MAST2: variants seen among roughly 807,000 people sequenced by gnomAD.
MAST2 encodes microtubule-associated serine/threonine-protein kinase 2.
In MAST2, 70 loss-of-function variants were observed where a neutral mutation model predicts 147.4. The observed-to-expected ratio is 0.47, with a 90% CI of 0.39 to 0.58. The LOEUF is 0.58. MAST2 is among the 20% of genes least tolerant of loss of function. The pLI, the probability that MAST2 is intolerant of heterozygous loss-of-function variation, is 0.00. For missense variants in MAST2, 2,080 were observed against 2,302.3 expected (o/e 0.90, Z 1.98); for synonymous variants, 869 against 896.8 (o/e 0.97, Z 0.55).
intron 10 of MAST2, among the ~76,000 whole-genome samples, chr1:46,013,548 C>T (rs775504520): frequency 1.3e-5 from 2 of 151,966 alleles, no homozygotes; most frequent in East Asian, 1.9e-4. Context: ...AGCATGGTGA[C>T]GCACGCCTGT....
chr1:45,899,869 T>C (rs1430281677), intron 4 of MAST2, among the ~76,000 whole-genome samples: 1 of 151,876 alleles, frequency 6.6e-6, no homozygotes, highest in African/African-American at 2.4e-5. Context: ...TTTTTTTTTT[T>C]AAGATTTCTT....
At chr1:45,834,756 T>G (rs1645053963) in intron 3 of MAST2, among the ~76,000 whole-genome samples, 1 of 152,170 alleles carries the variant, frequency 6.6e-6, no homozygotes, top group Non-Finnish European at 1.5e-5. Flanking sequence ...TCTTCTCATC[T>G]GTAAAATGAG....
chr1:46,034,957 C>G lies in MAST2; in HGVS notation c.4288C>G (p.Leu1430Val), dbSNP rs1646840716. The G allele has an allele frequency of 1.9e-6, 3 of 1,614,006 alleles. No individual in the cohort carries two copies. Reference sequence around the variant, plus strand: ...GCTAGCCACTTCTCGCAAGCACAGCCTTGACCTGCCCCACTCTGAACTAAA... The same window carrying G: ...GCTAGCCACTTCTCGCAAGCACAGCGTTGACCTGCCCCACTCTGAACTAAA... ...KKLATSRKHS[L>V]DLPHSELKKE... Residue 1430 changes from leucine to valine, a missense_variant, in exon 29 of 29, where the codon CTT becomes GTT. Physicochemically the swap from Leu to Val is conservative, Grantham distance 32. Coordinates refer to ENST00000361297, the MANE Select transcript of MAST2 (RefSeq NM_015112.3).
At chr1:45,849,120 A>G (rs1482115343) in intron 3 of MAST2, among the ~76,000 whole-genome samples, 1 of 152,234 alleles carries the variant, frequency 6.6e-6, no homozygotes, top group Non-Finnish European at 1.5e-5. Flanking sequence ...ATGCTCATGG[A>G]TAGGAAGACT....
At chr1:45,861,955 C>CT (rs1645995425) in intron 3 of MAST2, among the ~76,000 whole-genome samples, 1 of 152,172 alleles carries the variant, frequency 6.6e-6, no homozygotes, top group Non-Finnish European at 1.5e-5. Flanking sequence ...TCAGCAGTCC[C>CT]TGACTATCTT....
Position 45,900,173 on chromosome 1 carries a change from C to CAAAAAAAAAAAAAAA in MAST2, c.500+17786_500+17800dup, listed in dbSNP as rs59051138. Reference sequence around the variant, plus strand: ...CGACAGAGCGAGACTCTCTCTCTCTCAAAAAAAAAAAAAAAAAAAAAAGAT... The same window carrying CAAAAAAAAAAAAAAA: ...CGACAGAGCGAGACTCTCTCTCTCTCAAAAAAAAAAAAAAAAAAAAAAAAAAAAAAAAAAAAAGAT... On this transcript the variant is annotated intron_variant, in intron 4 of 28. Coordinates refer to ENST00000361297, the MANE Select transcript of MAST2 (RefSeq NM_015112.3). Among the ~76,000 whole-genome samples the CAAAAAAAAAAAAAAA allele has an allele frequency of 3.8e-3, 203 of 54,086 alleles. 22 individuals carry two copies. Among genetic ancestry groups the CAAAAAAAAAAAAAAA allele is most frequent in the African/African-American group, 0.017 (194 of 11,372 alleles). 35.5% of individuals were successfully genotyped at this position (54,086 alleles called of 152,430 possible).
In MAST2 at chr1:46,035,876, AAG is replaced by A. The variant is rs750752252; in HGVS notation, c.5210_5211del (p.Glu1737GlyfsTer11). The A allele has an allele frequency of 6.2e-7, 1 of 1,614,062 alleles. No homozygotes were observed. The highest frequency in any genetic ancestry group is 1.1e-5 in the South Asian group (1 of 91,076). On this transcript the variant is annotated frameshift_variant, in exon 29 of 29. Coordinates refer to ENST00000361297, the MANE Select transcript of MAST2 (RefSeq NM_015112.3). LOFTEE classifies it high-confidence loss of function. This position sits in a 1 kb window ranked among gnomAD's most constrained non-coding sequence, Gnocchi z 5.5. ...GAGTCTGAGTGTGCACAAGCAGTGA[AAG>A]AGGATCCAGCCCTGAGCATCACCCA...
At chr1:45,907,479 T>TTTGA (rs1553229179) in intron 4 of MAST2, among the ~76,000 whole-genome samples, 1 of 151,602 alleles carries the variant, frequency 6.6e-6, no homozygotes, top group Non-Finnish European at 1.5e-5. Flanking sequence ...TTTTTTTTTT[T>TTTGA]GAGAGAGTCT....
At chr1:45,872,656 T>C (rs1646444331) in intron 3 of MAST2, among the ~76,000 whole-genome samples, 1 of 152,162 alleles carries the variant, frequency 6.6e-6, no homozygotes, top group Non-Finnish European at 1.5e-5. Context: ...AATTTTCTTA[T>C]TTTTAGAAGA....
At chr1:45,848,867 AACAAATTC>A (rs1645529236) in intron 3 of MAST2, among the ~76,000 whole-genome samples, 1 of 152,182 alleles carries the variant, frequency 6.6e-6, no homozygotes. Context: ...TCAACTGATA[AACAAATTC>A]AGCAAAGTTT....
In MAST2 at chr1:46,030,625, C is replaced by A; in HGVS notation, c.2572C>A (p.Arg858=). Residue 858 remains arginine (R), a synonymous_variant, in exon 22 of 29, where the codon CGG becomes AGG. Transcript: ENST00000361297. The part of the protein sequence containing the change: ...RFNKVYSSME[R]LSLLEERRTP... ...CCCACAGGTGTACAGCAGCATGGAG[C>A]GGCTCTCACTGCTCGAGGAGCGCCG... The A allele has an allele frequency of 6.2e-7, 1 of 1,610,290 alleles. No individual in the cohort carries two copies. Among genetic ancestry groups the A allele is most frequent in the Non-Finnish European group, 8.5e-7 (1 of 1,178,926 alleles).
intron 1 of MAST2, among the ~76,000 whole-genome samples, chr1:45,812,841 CCA>C (rs1644344279): frequency 6.6e-6 from 1 of 152,154 alleles, no homozygotes; most frequent in Non-Finnish European, 1.5e-5. Flanking sequence ...TGCTTCTTCC[CCA>C]GTCTGCCTCA....
Position 46,019,716 on chromosome 1 carries a change from A to T in MAST2, c.1290+19A>T. ...ATGCCTGGTGAGTGGACTCTAGGAA[A>T]GTCAGGTGGGCAGATTTAGAGGAGG... On this transcript the variant is annotated intron_variant, in intron 11 of 28. Transcript: ENST00000361297. The T allele has an allele frequency of 1.2e-6, 2 of 1,607,540 alleles. No individual in the cohort carries two copies. The highest frequency in any genetic ancestry group is 1.7e-6 in the Non-Finnish European group (2 of 1,173,960).
intron 5 of MAST2, among the ~76,000 whole-genome samples, chr1:45,971,020 C>A (rs1454353058): frequency 1.3e-5 from 2 of 152,078 alleles, no homozygotes; most frequent in African/African-American, 4.8e-5. Flanking sequence ...AGATAACAGA[C>A]AAGCGATTTT....
At chr1:45,989,309 G>A (rs1037421957) in intron 5 of MAST2, among the ~76,000 whole-genome samples, 11 of 152,072 alleles carry the variant, frequency 7.2e-5, no homozygotes, top group African/African-American at 2.7e-4. Flanking sequence ...TCCAGTGTAC[G>A]TGTATAGCAG....
At chr1:45,972,969 C>T (rs1643979218) in intron 5 of MAST2, among the ~76,000 whole-genome samples, 1 of 152,158 alleles carries the variant, frequency 6.6e-6, no homozygotes, top group East Asian at 1.9e-4. Flanking sequence ...TAGATGTCCT[C>T]TGTTTTTTCA....
intron 4 of MAST2, among the ~76,000 whole-genome samples, chr1:45,885,315 A>G (rs1031533601): frequency 1.3e-5 from 2 of 152,186 alleles, no homozygotes; most frequent in Non-Finnish European, 2.9e-5. Flanking sequence ...TATATCCTTC[A>G]TGGACATAGA....
At chr1:45,987,493 G>A (rs1644674290) in intron 5 of MAST2, among the ~76,000 whole-genome samples, 1 of 152,010 alleles carries the variant, frequency 6.6e-6, no homozygotes, top group Admixed American at 6.6e-5. Flanking sequence ...TAAATTCTTT[G>A]TAGAGATGGG....
At chr1:46,029,710 G>A in intron 19 of MAST2, 121 bp from the exon 20 acceptor site, 2 of 1,405,350 alleles carry the variant, frequency 1.4e-6, no homozygotes, top group South Asian at 2.7e-5. Context: ...GCAGAAAAGG[G>A]AAGATGCTTG....
Sources: allele counts gnomAD v4.1 joint callset (sites outside exome capture counted in the v4.1 genomes callset), GRCh38; gene constraint gnomAD v4.1.1; non-coding constraint Gnocchi (gnomAD v3.1); transcripts MANE v1.5; gene names NCBI Gene and HGNC (gene_info 2026-07-23, HGNC 2026-07-21).